CHERP: variants seen among roughly 807,000 people sequenced by gnomAD.
CHERP encodes ERPROT 213-21.
Under a neutral mutation model 113.8 loss-of-function variants are expected in CHERP, and 8 were observed. That is an observed-to-expected ratio of 0.07 (90% CI 0.04 to 0.13). The LOEUF (loss-of-function observed/expected upper bound fraction) is 0.13. Among genes scored for constraint, CHERP ranks in the 10% least tolerant of loss-of-function variants. CHERP has a pLI of 1.00. For missense variants in CHERP, 884 were observed against 1,298.2 expected, an observed-to-expected ratio of 0.68 and a Z score of 4.90; for synonymous variants, 559 against 524.5, an observed-to-expected ratio of 1.07 and a Z score of -0.90.
At position 16,530,458 on chromosome 19, in the gene CHERP, C is replaced by A; in HGVS notation, c.876+127G>T. The A allele has an allele frequency of 1.2e-6, 1 of 844,894 alleles. No individual in the cohort carries two copies. The highest frequency in any genetic ancestry group is 1.9e-5 in the Admixed American group (1 of 53,566). 52.3% of individuals were successfully genotyped at this position (844,894 alleles called of 1,614,324 possible). A position where few individuals can be genotyped will look rare whatever the true frequency, so the allele number is the denominator to read the frequency against. ...TCTGGTCAACACACACTGGCTACTC[C>A]TAGCACAGGCAGGGGACATGGGCTC... is the stretch of plus-strand genomic sequence containing the variant. On this transcript the variant is annotated intron_variant, in intron 7 of 16. Coordinates refer to ENST00000546361, the MANE Select transcript of CHERP (RefSeq NM_006387.6). This position sits in a 1 kb window ranked among gnomAD's most constrained non-coding sequence, Gnocchi z 4.1.
chr19:16,522,351 C>T (rs556370321), intron 11 of CHERP, among the ~76,000 whole-genome samples: 7 of 152,266 alleles, frequency 4.6e-5, no homozygotes, highest in Admixed American at 1.3e-4. Flanking sequence ...CTCCGCCTCC[C>T]GGGTTCATGC....
intron 2 of CHERP, among the ~76,000 whole-genome samples, chr19:16,538,163 C>T (rs1287079563): frequency 1.3e-5 from 2 of 151,970 alleles, no homozygotes; most frequent in Admixed American, 1.3e-4. Flanking sequence ...CCGACTCCTC[C>T]CCAAGCCAGG....
At chr19:16,531,889 G>T (rs1322998496) in intron 5 of CHERP, 1 of 152,260 alleles carries the variant, frequency 6.6e-6, no homozygotes, top group Non-Finnish European at 1.5e-5. Context: ...GCCAGGCCAG[G>T]ACTGCTGCCC....
At chr19:16,540,432 G>A (rs559771129) in intron 2 of CHERP, among the ~76,000 whole-genome samples, 1 of 147,650 alleles carries the variant, frequency 6.8e-6, no homozygotes, top group Admixed American at 6.9e-5. Flanking sequence ...GAGCGCAATG[G>A]TGTGGTCTCG....
intron 9 of CHERP, among the ~76,000 whole-genome samples, chr19:16,526,017 C>T (rs1336781983): frequency 1.3e-5 from 2 of 152,228 alleles, no homozygotes; most frequent in African/African-American, 4.8e-5. Flanking sequence ...CTCCCTCGCC[C>T]CTCAGGGGCA....
chr19:16,532,618 G>A lies in CHERP; in HGVS notation c.654C>T (p.Ile218=). ...FELRLHLIYL[I]NDVLHHCQRK... The stretch of plus-strand genomic sequence containing the variant: ...CTCACCAGTGGTGCAGCACGTCATT[G>A]ATCAGGTAGATGAGGTGCAGCCGCA... Residue 218 remains isoleucine (I), a synonymous_variant, in exon 5 of 17, where the codon ATC becomes ATT. Coordinates refer to ENST00000546361, the MANE Select transcript of CHERP (RefSeq NM_006387.6). The surrounding 1 kb of genome is among the most constrained non-coding windows in gnomAD (Gnocchi z 4.4). 6.2e-7 allele frequency: 1 copy of A among 1,608,506 alleles called. No homozygotes were observed. Among genetic ancestry groups the A allele is most frequent in the South Asian group, 1.1e-5 (1 of 90,984 alleles).
At chr19:16,524,822 G>T (rs537505752) in intron 10 of CHERP, among the ~76,000 whole-genome samples, 1 of 151,322 alleles carries the variant, frequency 6.6e-6, no homozygotes, top group Non-Finnish European at 1.5e-5. Flanking sequence ...ACAGTGGTGC[G>T]ATCACAGCTC....
intron 2 of CHERP, 179 bp downstream of exon 2, chr19:16,541,691 G>C (rs1482476754): frequency 1.6e-6 from 1 of 619,868 alleles, no homozygotes; most frequent in African/African-American, 1.9e-5. Context: ...CATTACAGTG[G>C]CACCCAGCAG....
chr19:16,539,910 C>T (rs188556211), intron 2 of CHERP: 1 of 152,506 alleles, frequency 6.6e-6, no homozygotes, highest in African/African-American at 2.4e-5. Context: ...CAGCCCTGAA[C>T]TCCCGGGCTC....
In CHERP at chr19:16,523,355, G is replaced by A; in HGVS notation, c.1742-65C>T. ...AGGATCTCCCAGGCGACAAGTGCTG[G>A]AGGGGAGGGGCTCAGTGAAGGGCCA... On this transcript the variant is annotated intron_variant, in intron 10 of 16. Transcript: ENST00000546361. The surrounding 1 kb of genome is among the most constrained non-coding windows in gnomAD (Gnocchi z 4.0). 1.9e-6 allele frequency: 3 copies of A among 1,581,648 alleles called. No homozygotes were observed. Among genetic ancestry groups the A allele is most frequent in the Middle Eastern group, 1.9e-4 (1 of 5,314 alleles).
chr19:16,542,416 A>G lies in CHERP; in HGVS notation c.-38T>C, dbSNP rs2085787239. On this transcript the variant is annotated 5_prime_UTR_variant, in exon 1 of 17. Transcript: ENST00000546361. ...GGGGAACGTCCTCCGGCGCCACACG[A>G]TCGACCACCAGCGCCGTCTGCGGAA... 1 of 1,335,958 alleles carries G rather than the reference A, an allele frequency of 7.5e-7. No homozygotes were observed. Among genetic ancestry groups the G allele is most frequent in the Middle Eastern group, 2.0e-4 (1 of 4,968 alleles). The allele number at this position is 1,335,958 out of a possible 1,614,324, so 82.8% of individuals were successfully genotyped here.
Position 16,519,380 on chromosome 19 carries a change from C to A in CHERP, c.2558-28G>T, listed in dbSNP as rs765754577. The A allele has an allele frequency of 6.9e-6, 11 of 1,601,704 alleles. No individual in the cohort carries two copies. The highest frequency in any genetic ancestry group is 1.1e-5 in the South Asian group (1 of 90,126). On this transcript the variant is annotated intron_variant, in intron 16 of 16. Coordinates refer to ENST00000546361, the MANE Select transcript of CHERP (RefSeq NM_006387.6). This position sits in a 1 kb window ranked among gnomAD's most constrained non-coding sequence, Gnocchi z 6.0. ...GGAAACAGAGACGCAGTCACAACCA[C>A]AACAAGGCGGAGGCAGATGGGGGTG...
At position 16,535,880 on chromosome 19, in the gene CHERP, G is replaced by A. The variant is rs2085738059; in HGVS notation, c.200-244C>T. 6.6e-6 allele frequency among the ~76,000 whole-genome samples: 1 copy of A among 152,150 alleles called. No homozygotes were observed. Among genetic ancestry groups the A allele is most frequent in the Admixed American group, 6.5e-5 (1 of 15,284 alleles). On this transcript the variant is annotated intron_variant, in intron 2 of 16. Transcript: ENST00000546361. This position sits in a 1 kb window ranked among gnomAD's most constrained non-coding sequence, Gnocchi z 4.3. ...GTCCCCTCCTCGGAGAACCTAGGAAGTCCCCTGGCCGCTCTCTCGCCAGCA... is the reference window on the plus strand; with the variant it reads ...GTCCCCTCCTCGGAGAACCTAGGAAATCCCCTGGCCGCTCTCTCGCCAGCA...
At position 16,529,839 on chromosome 19, in the gene CHERP, T is replaced by C; in HGVS notation, c.938A>G (p.Gln313Arg). ...VQPVQLAFQQ[Q>R]IQTLKTQHEE... ...GTGCTGCGTCTTGAGGGTCTGGATC[T>C]GCTGCTGGAAGGCCAGCTGCACCGG... Residue 313 changes from glutamine (Q) to arginine (R), a missense_variant, in exon 8 of 17, where the codon CAG becomes CGG. Gln to Arg is a conservative substitution (Grantham distance 43). Coordinates refer to ENST00000546361, the MANE Select transcript of CHERP (RefSeq NM_006387.6). The C allele has an allele frequency of 6.2e-7, 1 of 1,613,870 alleles. No individual in the cohort carries two copies. The highest frequency in any genetic ancestry group is 8.5e-7 in the Non-Finnish European group (1 of 1,180,008).
rs369863699 is a variant in CHERP at position 16,535,442 on chromosome 19, G to T, written c.384+10C>A. The T allele has an allele frequency of 1.9e-6, 3 of 1,605,758 alleles. No homozygotes were observed. Among genetic ancestry groups the T allele is most frequent in the East Asian group, 2.2e-5 (1 of 44,500 alleles). ...GCTGGTGTCTGGCCGAGGAGGCGGC[G>T]GGCCCATACCTGTCTGAGCGCCAGC... is the stretch of plus-strand genomic sequence containing the variant. On this transcript the variant is annotated intron_variant, in intron 3 of 16. Transcript: ENST00000546361. This position sits in a 1 kb window ranked among gnomAD's most constrained non-coding sequence, Gnocchi z 4.3.
In CHERP at chr19:16,521,603, G is replaced by C; in HGVS notation, c.2032C>G (p.Pro678Ala). The C allele has an allele frequency of 6.2e-7, 1 of 1,609,830 alleles. No individual in the cohort carries two copies. The highest frequency in any genetic ancestry group is 8.5e-7 in the Non-Finnish European group (1 of 1,178,222). ...PLDPKDIRLP[P>A]PMPPSERLLA... ...AGCCTCTCGCTGGGCGGCATGGGGG[G>C]TGGGAGGCGGATGTCTTTAGGGTCC... Residue 678 changes from proline to alanine, a missense_variant, in exon 12 of 17, where the codon CCC becomes GCC. Physicochemically the swap from Pro to Ala is conservative, Grantham distance 27. Transcript: ENST00000546361.
At chr19:16,522,319 C>A (rs924620976) in intron 11 of CHERP, among the ~76,000 whole-genome samples, 3 of 149,008 alleles carry the variant, frequency 2.0e-5, no homozygotes, top group African/African-American at 7.4e-5. Flanking sequence ...AGTGTAGTGG[C>A]GTGATCTCGG....
At position 16,525,054 on chromosome 19, in the gene CHERP, G is replaced by A. The variant is rs1599748185; in HGVS notation, c.1741+188C>T. On this transcript the variant is annotated intron_variant, in intron 10 of 16. Transcript: ENST00000546361. This position sits in a 1 kb window ranked among gnomAD's most constrained non-coding sequence, Gnocchi z 6.5. ...CTGCAGCCAGCCGGGCCTCATCAGGGCGGCAAAACTGAGTCTGTGCCCCCA... is the reference window on the plus strand; with the variant it reads ...CTGCAGCCAGCCGGGCCTCATCAGGACGGCAAAACTGAGTCTGTGCCCCCA... Among the ~76,000 whole-genome samples the A allele has an allele frequency of 6.6e-6, 1 of 152,176 alleles. No individual in the cohort carries two copies. Among genetic ancestry groups the A allele is most frequent in the East Asian group, 1.9e-4 (1 of 5,186 alleles).
At chr19:16,521,769 TG>T (rs1467218942) in intron 11 of CHERP, 115 bp from the exon 12 acceptor site, 5 of 979,184 alleles carry the variant, frequency 5.1e-6, no homozygotes, top group Non-Finnish European at 7.0e-6. Context: ...AAGGGTACCC[TG>T]GGCACCAGAG....
Sources: allele counts gnomAD v4.1 joint callset (sites outside exome capture counted in the v4.1 genomes callset), GRCh38; gene constraint gnomAD v4.1.1; non-coding constraint Gnocchi (gnomAD v3.1); transcripts MANE v1.5; gene names NCBI Gene and HGNC (gene_info 2026-07-23, HGNC 2026-07-21).